Variants in DOCK4 observed in about 807,000 individuals in gnomAD.
DOCK4 encodes the protein dedicator of cytokinesis 4.
A neutral mutation model predicts 268.1 loss-of-function variants in DOCK4; 97 were observed. The observed-to-expected ratio is 0.36, with a 90% CI of 0.31 to 0.43. The LOEUF is 0.43. DOCK4 is among the 20% of genes least tolerant of loss of function. The pLI, the probability that DOCK4 is intolerant of heterozygous loss-of-function variation, is 1.00. For missense variants in DOCK4, 2,145 were observed against 2,455.7 expected, an observed-to-expected ratio of 0.87 and a Z score of 2.67; for synonymous variants, 954 against 887.2, an observed-to-expected ratio of 1.08 and a Z score of -1.34.
chr7:111,757,298 T>C (rs933207618), intron 41 of DOCK4, among the ~76,000 whole-genome samples: 6 of 152,016 alleles, frequency 3.9e-5, no homozygotes, highest in African/African-American at 1.4e-4. Context: ...CACAACGAAA[T>C]GTAGTACGGT....
intron 1 of DOCK4, among the ~76,000 whole-genome samples, chr7:112,113,077 C>G (rs933432673): frequency 6.6e-6 from 1 of 152,122 alleles, no homozygotes; most frequent in East Asian, 1.9e-4. Flanking sequence ...TAAAAACGAG[C>G]ATGCAAATAA....
At chr7:111,825,612 A>C (rs1802333615) in intron 26 of DOCK4, among the ~76,000 whole-genome samples, 2 of 152,316 alleles carry the variant, frequency 1.3e-5, no homozygotes, top group Middle Eastern at 3.4e-3. Context: ...TACCATTTAA[A>C]ACCTGGCAGA....
chr7:111,731,428 C>G (rs953333585), intron 52 of DOCK4, among the ~76,000 whole-genome samples: 17 of 152,184 alleles, frequency 1.1e-4, no homozygotes, highest in African/African-American at 4.1e-4. Context: ...AATCCTAAGT[C>G]ACTCAGGTAC....
chr7:112,004,162 C>A, intron 1 of DOCK4, 31 bp from the exon 2 acceptor site: 1 of 1,488,732 alleles, frequency 6.7e-7, no homozygotes, highest in Non-Finnish European at 9.2e-7. Flanking sequence ...TATATGAAGA[C>A]AATCATGTCC....
At chr7:111,947,245 G>C (rs770098015) in intron 8 of DOCK4, among the ~76,000 whole-genome samples, 9 of 152,190 alleles carry the variant, frequency 5.9e-5, no homozygotes, top group Non-Finnish European at 1.2e-4. Context: ...TATAAGAGGA[G>C]ATATGAGAAC....
chr7:112,019,087 G>A (rs1324896108), intron 1 of DOCK4, among the ~76,000 whole-genome samples: 2 of 152,250 alleles, frequency 1.3e-5, no homozygotes, highest in South Asian at 4.2e-4. Flanking sequence ...AATAACAAGT[G>A]CCCAAAGATA....
At chr7:111,912,509 C>G (rs78617453) in intron 13 of DOCK4, among the ~76,000 whole-genome samples, 2,611 of 151,924 alleles carry the variant, frequency 0.017, 80 homozygotes, top group African/African-American at 0.058. Context: ...TTTGTAAAAA[C>G]AAGAGGATAT....
chr7:111,976,153 A>ATATAT (rs1554400588), intron 8 of DOCK4, among the ~76,000 whole-genome samples: 1 of 75,360 alleles, frequency 1.3e-5, no homozygotes, highest in African/African-American at 8.8e-5. Context: ...AAAAAAAAAA[A>ATATAT]AAAAAAAAAT....
At chr7:112,112,290 C>T (rs73192904) in intron 1 of DOCK4, among the ~76,000 whole-genome samples, 2,907 of 152,298 alleles carry the variant, frequency 0.019, 36 homozygotes, top group Middle Eastern at 0.034. Flanking sequence ...CTGTGAAACG[C>T]CTGCTCCCTC....
chr7:111,890,165 T>G (rs190530163), intron 16 of DOCK4, among the ~76,000 whole-genome samples: 3 of 152,342 alleles, frequency 2.0e-5, no homozygotes, highest in Admixed American at 2.0e-4. Context: ...TCAAGAGATT[T>G]GACTTTTGGA....
At chr7:111,895,112 T>C (rs997231924) in intron 16 of DOCK4, among the ~76,000 whole-genome samples, 1 of 152,222 alleles carries the variant, frequency 6.6e-6, no homozygotes, top group Non-Finnish European at 1.5e-5. Flanking sequence ...TGTTGCCTAC[T>C]ACAATACACT....
chr7:112,133,405 C>T lies in DOCK4; in HGVS notation c.37+72697G>A, dbSNP rs186515216. Among the ~76,000 whole-genome samples the T allele has an allele frequency of 2.0e-5, 3 of 152,258 alleles. No homozygotes were observed. In the East Asian group the frequency reaches 5.8e-4, roughly 29 times the overall value. ...TTATTTAGGCTCTTTGATTTTACACCTCTTTGCCTGAATGAAAAAAAGTAT... is the reference window on the plus strand; with the variant it reads ...TTATTTAGGCTCTTTGATTTTACACTTCTTTGCCTGAATGAAAAAAAGTAT... On this transcript the variant is annotated intron_variant, in intron 1 of 52. Transcript: ENST00000428084.
At chr7:111,775,707 CCTCA>C (rs1185757429) in intron 36 of DOCK4, among the ~76,000 whole-genome samples, 15 of 152,156 alleles carry the variant, frequency 9.9e-5, no homozygotes, top group African/African-American at 3.1e-4. Context: ...ACATTTCTGG[CCTCA>C]CTCAGTCTCA....
At chr7:112,151,556 G>A (rs1349936153) in intron 1 of DOCK4, among the ~76,000 whole-genome samples, 4 of 152,158 alleles carry the variant, frequency 2.6e-5, no homozygotes, top group South Asian at 2.1e-4. Context: ...TCTAGAGCTC[G>A]TCACCAGTAA....
At chr7:112,190,659 A>G (rs1164803377) in intron 1 of DOCK4, among the ~76,000 whole-genome samples, 1 of 151,538 alleles carries the variant, frequency 6.6e-6, no homozygotes, top group Non-Finnish European at 1.5e-5. Flanking sequence ...TTTGAACTCT[A>G]TCCTGACTGC....
chr7:112,011,952 G>A (rs1801361923), intron 1 of DOCK4, among the ~76,000 whole-genome samples: 2 of 150,954 alleles, frequency 1.3e-5, no homozygotes, highest in African/African-American at 4.9e-5. Context: ...TGAATTAGAT[G>A]GAGGCTTGGG....
chr7:111,852,345 C>G (rs1044658739), intron 23 of DOCK4, among the ~76,000 whole-genome samples: 2 of 152,110 alleles, frequency 1.3e-5, no homozygotes, highest in Non-Finnish European at 2.9e-5. Flanking sequence ...TCAAAACAGA[C>G]AACATAAGGC....
intron 1 of DOCK4, among the ~76,000 whole-genome samples, chr7:112,043,582 C>G (rs1804586940): frequency 6.6e-6 from 1 of 151,904 alleles, no homozygotes; most frequent in Non-Finnish European, 1.5e-5. Context: ...GGCAGATAAG[C>G]CATTCTCACA....
intron 1 of DOCK4, among the ~76,000 whole-genome samples, chr7:112,185,580 G>C (rs919689805): frequency 2.6e-5 from 4 of 151,218 alleles, no homozygotes; most frequent in African/African-American, 9.7e-5. Flanking sequence ...TCAAAAGGAA[G>C]TCAGAACATG....
Sources: allele counts gnomAD v4.1 joint callset (sites outside exome capture counted in the v4.1 genomes callset), GRCh38; gene constraint gnomAD v4.1.1; transcripts MANE v1.5; gene names NCBI Gene and HGNC (gene_info 2026-07-23, HGNC 2026-07-21).